Variants in SLAIN2 observed in about 807,000 individuals in gnomAD.
SLAIN2 encodes SLAIN motif-containing protein 2.
A neutral mutation model predicts 56.6 loss-of-function variants in SLAIN2; 31 were observed. The ratio of observed to expected loss-of-function variants is 0.55; its 90% CI spans 0.41 to 0.74. The LOEUF is 0.74. Ranked by LOEUF, SLAIN2 falls within the 30% of genes least tolerant of loss-of-function variation. SLAIN2 has a pLI of 0.00. For synonymous variants in SLAIN2, 317 were observed against 284.9 expected (o/e 1.11, Z -1.13); for missense variants, 777 against 754.2 (o/e 1.03, Z -0.35).
intron 6 of SLAIN2, among the ~76,000 whole-genome samples, chr4:48,409,315 C>T (rs1434865624): frequency 1.3e-5 from 2 of 152,080 alleles, no homozygotes; most frequent in Admixed American, 6.6e-5. Context: ...TTAACCATCT[C>T]CACCTCCCCC....
chr4:48,366,473 G>A (rs1263591784), intron 1 of SLAIN2, among the ~76,000 whole-genome samples: 1 of 152,086 alleles, frequency 6.6e-6, no homozygotes, highest in Admixed American at 6.5e-5. Flanking sequence ...TGTTAGGTAT[G>A]TTTAAATTTA....
rs1717275702 is a variant in SLAIN2, at chr4:48,425,427, A to G, written c.*3350A>G. On this transcript the variant is annotated 3_prime_UTR_variant, in exon 8 of 8. Transcript: ENST00000264313. ...TAATGCATTTTCATACCAAATGCGAATATTTAGGTGATCACGTGCATCTTT... is the reference window on the plus strand; with the variant it reads ...TAATGCATTTTCATACCAAATGCGAGTATTTAGGTGATCACGTGCATCTTT... The G allele has an allele frequency of 2.0e-5, 3 of 152,264 alleles. No homozygotes were observed. Among genetic ancestry groups the G allele is most frequent in the Non-Finnish European group, 1.5e-5 (1 of 67,990 alleles). 9.4% of individuals were successfully genotyped at this position (152,264 alleles called of 1,614,324 possible).
At chr4:48,404,914 T>A (rs563297560) in intron 6 of SLAIN2, among the ~76,000 whole-genome samples, 1 of 152,338 alleles carries the variant, frequency 6.6e-6, no homozygotes, top group South Asian at 2.1e-4. Flanking sequence ...ATAGTATAAC[T>A]GCAGCTTAGT....
At chr4:48,406,217 C>T (rs1716690613) in intron 6 of SLAIN2, among the ~76,000 whole-genome samples, 1 of 152,186 alleles carries the variant, frequency 6.6e-6, no homozygotes, top group African/African-American at 2.4e-5. Flanking sequence ...GTGTGTTTAG[C>T]TATACTTATT....
At chr4:48,385,798 T>G (rs1716083703) in intron 6 of SLAIN2, among the ~76,000 whole-genome samples, 1 of 152,060 alleles carries the variant, frequency 6.6e-6, no homozygotes, top group African/African-American at 2.4e-5. Flanking sequence ...TTTAATTTCT[T>G]CACACTTTTC....
chr4:48,382,201 G>T (rs1287384833), intron 4 of SLAIN2, among the ~76,000 whole-genome samples: 3 of 152,092 alleles, frequency 2.0e-5, no homozygotes, highest in Non-Finnish European at 4.4e-5. Flanking sequence ...CCACTGGTTG[G>T]ATGGTAATTG....
rs73814740 is a variant in SLAIN2, at chr4:48,407,146, T to G, written c.1361-12979T>G. Among the ~76,000 whole-genome samples the G allele has an allele frequency of 9.7e-3, 1,472 of 152,188 alleles. 21 individuals carry two copies. The highest frequency in any genetic ancestry group is 0.034 in the African/African-American group (1,399 of 41,572). ...TGTTGTATGCATGTTCGAGGTTCGT[T>G]TCTTGTTTCTAATATTTGTTGCCTT... On this transcript the variant is annotated intron_variant, in intron 6 of 7. Coordinates refer to ENST00000264313, the MANE Select transcript of SLAIN2 (RefSeq NM_020846.2).
Position 48,420,247 on chromosome 4 carries a change from A to G in SLAIN2, c.1483A>G (p.Thr495Ala). 1 of 1,613,936 alleles carries G rather than the reference A, an allele frequency of 6.2e-7. No homozygotes were observed. ...SPGSQEITQL[T>A]QTTSSPGPPM... ...TGGTAGCCAAGAAATAACACAGCTCACACAAACCACCTCCTCACCTGGGCC... is the reference window on the plus strand; with the variant it reads ...TGGTAGCCAAGAAATAACACAGCTCGCACAAACCACCTCCTCACCTGGGCC... Residue 495 changes from threonine to alanine, a missense_variant, in exon 7 of 8, where the codon ACA becomes GCA. Transcript: ENST00000264313.
At chr4:48,416,545 C>T (rs1717000439) in intron 6 of SLAIN2, among the ~76,000 whole-genome samples, 1 of 148,272 alleles carries the variant, frequency 6.7e-6, no homozygotes, top group Admixed American at 6.8e-5. Context: ...AATTGAATAC[C>T]CTTTATTTCC....
At chr4:48,367,918 C>G (rs1383688354) in intron 1 of SLAIN2, among the ~76,000 whole-genome samples, 2 of 152,028 alleles carry the variant, frequency 1.3e-5, no homozygotes, top group African/African-American at 4.8e-5. Context: ...TAAAAAGAAA[C>G]CTCATTCCCA....
chr4:48,420,360 G>A lies in SLAIN2; in HGVS notation c.1596G>A (p.Met532Ile), dbSNP rs1442377701. The A allele has an allele frequency of 6.2e-7, 1 of 1,614,034 alleles. No individual in the cohort carries two copies. Among genetic ancestry groups the A allele is most frequent in the East Asian group, 2.2e-5 (1 of 44,892 alleles). ...CCAGACCTGCAGGGACAACTGCAAT[G>A]AGAAGTGGCTTGCCCAGACCCAGTG... Reference protein sequence around the residue: ...TLTRPAGTTAMRSGLPRPSAP... With the variant: ...TLTRPAGTTAIRSGLPRPSAP... The change falls in exon 7 of 8, where the codon ATG becomes ATA. Residue 532 changes from methionine (M) to isoleucine (I), a missense_variant. Coordinates refer to ENST00000264313, the MANE Select transcript of SLAIN2 (RefSeq NM_020846.2).
chr4:48,373,586 G>GTTGAT (rs1419952515), intron 2 of SLAIN2, among the ~76,000 whole-genome samples: 1 of 151,988 alleles, frequency 6.6e-6, no homozygotes, highest in South Asian at 2.1e-4. Context: ...ACTTAATGGA[G>GTTGAT]TTTATCATCT....
At chr4:48,379,048 C>T (rs12645951) in intron 3 of SLAIN2, among the ~76,000 whole-genome samples, 71,475 of 151,814 alleles carry the variant, frequency 0.47, 17,879 homozygotes, top group African/African-American at 0.64. Context: ...TAAAAGTTGA[C>T]GATCTGATGA....
intron 2 of SLAIN2, among the ~76,000 whole-genome samples, chr4:48,373,158 A>G (rs1715715692): frequency 6.6e-6 from 1 of 152,190 alleles, no homozygotes; most frequent in Non-Finnish European, 1.5e-5. Context: ...ATATAATACA[A>G]AATTATCCAT....
At position 48,423,461 on chromosome 4, in the gene SLAIN2, A is replaced by C. The variant is rs2109793839; in HGVS notation, c.*1384A>C. The stretch of plus-strand genomic sequence containing the variant: ...TAAATACTTAATTTGAACAGCTCTA[A>C]GATATTGTCACTTAGGTCATCTAAA... On this transcript the variant is annotated 3_prime_UTR_variant, in exon 8 of 8. Transcript: ENST00000264313. The C allele has an allele frequency of 6.6e-6, 1 of 152,276 alleles. No homozygotes were observed. Among genetic ancestry groups the C allele is most frequent in the East Asian group, 1.9e-4 (1 of 5,182 alleles). The allele number at this position is 152,276 out of a possible 1,614,324, so 9.4% of individuals were successfully genotyped here.
chr4:48,402,339 G>C (rs1385736465), intron 6 of SLAIN2, among the ~76,000 whole-genome samples: 2 of 152,012 alleles, frequency 1.3e-5, no homozygotes, highest in Non-Finnish European at 2.9e-5. Flanking sequence ...GCTAGGTTGG[G>C]GAAGTTTTCC....
chr4:48,352,115 C>G (rs2353309), intron 1 of SLAIN2, among the ~76,000 whole-genome samples: 1 of 151,744 alleles, frequency 6.6e-6, no homozygotes, highest in Admixed American at 6.6e-5. Context: ...TATTGGAATG[C>G]TTTTAACAAA....
At chr4:48,405,789 A>G (rs927591262) in intron 6 of SLAIN2, among the ~76,000 whole-genome samples, 3 of 152,048 alleles carry the variant, frequency 2.0e-5, no homozygotes, top group African/African-American at 7.2e-5. Flanking sequence ...AAAATACTGT[A>G]TAAAGAGAAT....
intron 1 of SLAIN2, among the ~76,000 whole-genome samples, chr4:48,369,487 A>G (rs1374389984): frequency 6.6e-6 from 1 of 152,188 alleles, no homozygotes; most frequent in Non-Finnish European, 1.5e-5. Flanking sequence ...TGGAGAGCAA[A>G]GAATTTAGCT....
Sources: allele counts gnomAD v4.1 joint callset (sites outside exome capture counted in the v4.1 genomes callset), GRCh38; gene constraint gnomAD v4.1.1; transcripts MANE v1.5; gene names NCBI Gene and HGNC (gene_info 2026-07-23, HGNC 2026-07-21).